The following PACRG variants were observed in gnomAD, a reference collection of about 807,000 sequenced individuals.
PACRG encodes the protein parkin coregulated.
PACRG carries 29 observed loss-of-function variants against 29.7 expected under a neutral mutation model. The observed-to-expected ratio is 0.98, with a 90% CI of 0.73 to 1.33. The LOEUF (loss-of-function observed/expected upper bound fraction) is 1.33, where lower values mean the gene tolerates loss of function less well. PACRG is among the 40% of genes most tolerant of loss of function. PACRG has a pLI of 0.00. For synonymous variants in PACRG, 116 were observed against 118.7 expected, an observed-to-expected ratio of 0.98 and a Z score of 0.15; for missense variants, 279 against 316.2, an observed-to-expected ratio of 0.88 and a Z score of 0.89.
chr6:162,746,490 T>G (rs1354079922), intron 1 of PACRG, among the ~76,000 whole-genome samples: 2 of 152,256 alleles, frequency 1.3e-5, no homozygotes, highest in Non-Finnish European at 2.9e-5. Context: ...GTTTATGGTT[T>G]ATTTCCCATT....
At chr6:162,750,666 G>A (rs1001858646) in intron 1 of PACRG, among the ~76,000 whole-genome samples, 15 of 152,178 alleles carry the variant, frequency 9.9e-5, no homozygotes, top group Non-Finnish European at 8.8e-5. Flanking sequence ...CACTGCCAGT[G>A]TGTGACATTG....
intron 1 of PACRG, among the ~76,000 whole-genome samples, chr6:162,745,923 T>C (rs1780954307): frequency 6.6e-6 from 1 of 152,160 alleles, no homozygotes; most frequent in African/African-American, 2.4e-5. Context: ...GGGAAAAAAG[T>C]GTAAACTGAT....
At chr6:162,996,138 G>A (rs982866924) in intron 2 of PACRG, among the ~76,000 whole-genome samples, 7 of 152,008 alleles carry the variant, frequency 4.6e-5, no homozygotes, top group African/African-American at 1.4e-4. Flanking sequence ...TCGTGTGTGT[G>A]CATGCACACA....
At chr6:163,304,791 A>T (rs1184980923) in intron 4 of PACRG, among the ~76,000 whole-genome samples, 3 of 152,184 alleles carry the variant, frequency 2.0e-5, no homozygotes, top group Non-Finnish European at 4.4e-5. Flanking sequence ...ACTGTGGAGG[A>T]GAATGCAAGT....
At chr6:162,845,131 G>T (rs1356864038) in intron 2 of PACRG, among the ~76,000 whole-genome samples, 1 of 151,060 alleles carries the variant, frequency 6.6e-6, no homozygotes. Context: ...GCCACAATAG[G>T]TAATAGTTAA....
chr6:162,727,784 C>T (rs1779380840), upstream of PACRG: 4 of 1,128,110 alleles, frequency 3.5e-6, no homozygotes, highest in South Asian at 4.1e-5. Context: ...TCCCCGCCCC[C>T]GCGCCCGGCC....
intron 4 of PACRG, among the ~76,000 whole-genome samples, chr6:163,235,140 C>T (rs955314210): frequency 1.3e-5 from 2 of 152,264 alleles, no homozygotes; most frequent in East Asian, 3.9e-4. Flanking sequence ...AAGGGGCTCA[C>T]CTCTTCCATC....
intron 4 of PACRG, among the ~76,000 whole-genome samples, chr6:163,244,732 AT>A (rs1782628790): frequency 6.6e-6 from 1 of 152,232 alleles, no homozygotes; most frequent in Non-Finnish European, 1.5e-5. Context: ...TGCTAAACTA[AT>A]TCTTCATTTT....
chr6:163,154,084 G>A (rs1291242105), intron 4 of PACRG, among the ~76,000 whole-genome samples: 1 of 152,190 alleles, frequency 6.6e-6, no homozygotes, highest in African/African-American at 2.4e-5. Flanking sequence ...TTCCCCAGGA[G>A]GGATGTCCCA....
rs76110873 is a variant in PACRG, at chr6:163,091,494, A to G, written c.613+2086A>G. On this transcript the variant is annotated intron_variant, in intron 4 of 4. Coordinates refer to ENST00000366888, the MANE Select transcript of PACRG (RefSeq NM_001080379.2). Reference sequence around the variant, plus strand: ...ATTCTTTTGGAGTCTTTCTAAATGCATGCATCAGGAATTCTACATTTAAAT... The same window carrying G: ...ATTCTTTTGGAGTCTTTCTAAATGCGTGCATCAGGAATTCTACATTTAAAT... Among the ~76,000 whole-genome samples the G allele has an allele frequency of 3.3e-3, 501 of 152,308 alleles. 24 individuals are homozygous for G. In the East Asian group the frequency reaches 0.084, roughly 26 times the overall value.
At chr6:162,786,857 T>C (rs1020788552) in intron 1 of PACRG, among the ~76,000 whole-genome samples, 2 of 152,178 alleles carry the variant, frequency 1.3e-5, no homozygotes, top group Admixed American at 6.5e-5. Context: ...TTTTCAGTTG[T>C]ATTGGATCAC....
At chr6:162,827,301 AT>A (rs1050586871) in intron 2 of PACRG, among the ~76,000 whole-genome samples, 4 of 152,178 alleles carry the variant, frequency 2.6e-5, no homozygotes, top group Non-Finnish European at 1.5e-5. Context: ...AACTTATTAC[AT>A]TTAATAAACT....
At chr6:163,085,655 AGC>A (rs1215957416) in intron 3 of PACRG, among the ~76,000 whole-genome samples, 1 of 152,170 alleles carries the variant, frequency 6.6e-6, no homozygotes, top group Non-Finnish European at 1.5e-5. Flanking sequence ...GCTAGTCCCT[AGC>A]GCGCTGCTTC....
intron 2 of PACRG, among the ~76,000 whole-genome samples, chr6:162,866,840 C>G (rs1313448417): frequency 6.6e-6 from 1 of 152,198 alleles, no homozygotes; most frequent in Non-Finnish European, 1.5e-5. Flanking sequence ...CAGAGATACT[C>G]ATGACAGGAA....
intron 1 of PACRG, among the ~76,000 whole-genome samples, chr6:162,770,029 C>A (rs541113429): frequency 2.0e-5 from 3 of 151,984 alleles, no homozygotes; most frequent in Non-Finnish European, 4.4e-5. Context: ...AGGGCTATCA[C>A]AAATAAATGA....
intron 2 of PACRG, among the ~76,000 whole-genome samples, chr6:162,876,054 C>G (rs572089513): frequency 6.6e-6 from 1 of 152,198 alleles, no homozygotes; most frequent in African/African-American, 2.4e-5. Flanking sequence ...TTCACCACCC[C>G]CTCCTCCATG....
chr6:162,881,352 C>T (rs1253045011), intron 2 of PACRG, among the ~76,000 whole-genome samples: 2 of 151,030 alleles, frequency 1.3e-5, no homozygotes, highest in East Asian at 1.9e-4. Flanking sequence ...CATGCACCCA[C>T]GCAAAAGGTA....
rs149458550 is a variant in PACRG at position 163,074,691 on chromosome 6, G to A, written c.463+12370G>A. Among the ~76,000 whole-genome samples, 4 of 152,082 alleles carry A rather than the reference G, an allele frequency of 2.6e-5. No individual in the cohort carries two copies. The East Asian group carries it at 7.7e-4, about 29-fold the overall frequency. Reference sequence around the variant, plus strand: ...ACCTATAAATATATATACCTACTATGTACCTACAAAAAATAAAGCAAAAAT... The same window carrying A: ...ACCTATAAATATATATACCTACTATATACCTACAAAAAATAAAGCAAAAAT... On this transcript the variant is annotated intron_variant, in intron 3 of 4. Transcript: ENST00000366888.
At chr6:163,131,023 G>A (rs1816711898) in intron 4 of PACRG, among the ~76,000 whole-genome samples, 1 of 152,124 alleles carries the variant, frequency 6.6e-6, no homozygotes, top group South Asian at 2.1e-4. Flanking sequence ...AGAAGGTACA[G>A]TCGGCCGGGC....
Sources: allele counts gnomAD v4.1 joint callset (sites outside exome capture counted in the v4.1 genomes callset), GRCh38; gene constraint gnomAD v4.1.1; transcripts MANE v1.5; gene names NCBI Gene and HGNC (gene_info 2026-07-23, HGNC 2026-07-21).